OPHN1: variants seen among roughly 807,000 people sequenced by gnomAD.
OPHN1 encodes the protein oligophrenin 1.
Under a neutral mutation model 60.7 loss-of-function variants are expected in OPHN1, and 11 were observed. That is an observed-to-expected ratio of 0.18 (90% CI 0.11 to 0.30). OPHN1 has a LOEUF of 0.30. OPHN1 is among the 10% of genes least tolerant of loss of function. The pLI is 1.00. For missense variants in OPHN1, 449 were observed against 611.0 expected, an observed-to-expected ratio of 0.73 and a Z score of 2.80; for synonymous variants, 226 against 222.6, an observed-to-expected ratio of 1.02 and a Z score of -0.14.
intron 2 of OPHN1, among the ~76,000 whole-genome samples, chrX:68,365,504 T>C (rs4827578): frequency 0.17 from 18,923 of 110,841 alleles, 1,732 homozygotes; most frequent in African/African-American, 0.35. Flanking sequence ...TTTGTTCATT[T>C]TCCACAAACA....
intron 2 of OPHN1, among the ~76,000 whole-genome samples, chrX:68,352,952 G>A (rs1386565595): frequency 2.7e-5 from 3 of 110,293 alleles, no homozygotes; most frequent in Admixed American, 9.7e-5. Flanking sequence ...AGGAGTTCGA[G>A]ACCAGCCTGG....
intron 6 of OPHN1, among the ~76,000 whole-genome samples, chrX:68,234,103 A>AC (rs1474334552): frequency 9.2e-6 from 1 of 108,894 alleles, no homozygotes; most frequent in East Asian, 2.9e-4. Context: ...AAAAAAAAAA[A>AC]AAAAAAAAAG....
intron 2 of OPHN1, among the ~76,000 whole-genome samples, chrX:68,410,163 A>G (rs2078762438): frequency 3.6e-5 from 4 of 112,218 alleles, no homozygotes; most frequent in African/African-American, 1.3e-4. Flanking sequence ...TGATACAGCA[A>G]TTACACTACT....
intron 2 of OPHN1, among the ~76,000 whole-genome samples, chrX:68,354,338 G>A (rs1367106064): frequency 1.9e-5 from 2 of 104,832 alleles, no homozygotes; most frequent in Non-Finnish European, 3.9e-5. Context: ...CCAGCTACTC[G>A]GGAGACCGAG....
At chrX:68,392,462 G>T (rs998060124) in intron 2 of OPHN1, among the ~76,000 whole-genome samples, 1 of 110,055 alleles carries the variant, frequency 9.1e-6, no homozygotes, top group African/African-American at 3.3e-5. Context: ...GGAATTCAAG[G>T]CAGCAGTCAG....
At chrX:68,407,724 A>T (rs1422994758) in intron 2 of OPHN1, among the ~76,000 whole-genome samples, 2 of 112,166 alleles carry the variant, frequency 1.8e-5, no homozygotes, top group African/African-American at 6.5e-5. Flanking sequence ...CTCTACTATA[A>T]ATTAGGTATA....
At chrX:68,291,994 T>A (rs993911748) in intron 3 of OPHN1, among the ~76,000 whole-genome samples, 1 of 111,920 alleles carries the variant, frequency 8.9e-6, no homozygotes, top group Non-Finnish European at 1.9e-5. Flanking sequence ...GGGCTAAACG[T>A]TACCAATGTA....
intron 2 of OPHN1, among the ~76,000 whole-genome samples, chrX:68,424,023 C>T (rs936285397): frequency 9.1e-6 from 1 of 110,059 alleles, no homozygotes; most frequent in Non-Finnish European, 1.9e-5. Flanking sequence ...AAAAATTAGC[C>T]GGGCGTGGTG....
chrX:68,080,499 A>T (rs1313157776), intron 19 of OPHN1, among the ~76,000 whole-genome samples: 1 of 112,370 alleles, frequency 8.9e-6, no homozygotes, highest in Non-Finnish European at 1.9e-5. Flanking sequence ...TACCTTTCTT[A>T]GTCTCCCTTG....
intron 5 of OPHN1, among the ~76,000 whole-genome samples, chrX:68,263,570 T>C (rs1222298915): frequency 8.9e-6 from 1 of 111,973 alleles, no homozygotes; most frequent in East Asian, 2.8e-4. Flanking sequence ...GCATATTATT[T>C]GCCAGGTACT....
chrX:68,223,078 C>T (rs1301343890), intron 6 of OPHN1, among the ~76,000 whole-genome samples: 2 of 111,715 alleles, frequency 1.8e-5, no homozygotes, highest in African/African-American at 3.3e-5. Context: ...AATGCTTATT[C>T]ACTTTGGGTA....
chrX:68,151,756 C>T (rs1412166181), intron 15 of OPHN1, among the ~76,000 whole-genome samples: 1 of 111,938 alleles, frequency 8.9e-6, no homozygotes, highest in Non-Finnish European at 1.9e-5. Flanking sequence ...TTCCCAAGAC[C>T]TGAAATCCCT....
chrX:68,052,162 C>T (rs1264339012), intron 23 of OPHN1, among the ~76,000 whole-genome samples: 3 of 110,977 alleles, frequency 2.7e-5, no homozygotes, highest in Non-Finnish European at 5.7e-5. Context: ...TGATGGCGTG[C>T]ACCTGTAGTC....
chrX:68,198,686 T>C (rs2077522645), intron 11 of OPHN1, among the ~76,000 whole-genome samples: 1 of 111,677 alleles, frequency 9.0e-6, no homozygotes, highest in African/African-American at 3.3e-5. Context: ...CCTAGAGTCA[T>C]AGAATGATAA....
In OPHN1 at chrX:68,044,388, T is replaced by C. The variant is rs1229399686; in HGVS notation, c.*2784A>G. 1 of 112,788 alleles carries C rather than the reference T, an allele frequency of 8.9e-6. No individual in the cohort carries two copies. The highest frequency in any genetic ancestry group is 3.2e-5 in the African/African-American group (1 of 31,076). The allele number at this position is 112,788 out of a possible 1,213,427, so 9.3% of individuals were successfully genotyped here. On this transcript the variant is annotated 3_prime_UTR_variant, in exon 25 of 25. Transcript: ENST00000355520. ...CCCTGGGCCATAATTTCTTTCTCTGTAAAATGAGAATACTTGCATGAATAT... is the reference window on the plus strand; with the variant it reads ...CCCTGGGCCATAATTTCTTTCTCTGCAAAATGAGAATACTTGCATGAATAT...
rs908637656 is a variant in OPHN1, at chrX:68,119,319, T to C, written c.1290A>G (p.Pro430=). The C allele has an allele frequency of 3.4e-6, 4 of 1,192,792 alleles. No homozygotes were observed. The African/African-American group carries it at 5.2e-5, about 16-fold the overall frequency. Residue 430 remains proline (P), a synonymous_variant, in exon 16 of 25, where the codon CCA becomes CCG. Transcript: ENST00000355520. ...CACTATTATGAAAATCAACATCTCC[T>C]GGGCATTTAGGATCTATTTGAGAAA... ...LLNAFFDPKC[P]GDVDFHNSDW... is the part of the protein sequence containing the mutation.
intron 19 of OPHN1, among the ~76,000 whole-genome samples, chrX:68,090,072 T>C (rs1023028835): frequency 4.5e-5 from 5 of 112,093 alleles, no homozygotes; most frequent in Non-Finnish European, 9.4e-5. Flanking sequence ...GATTCACATG[T>C]AGAGACTAAT....
At chrX:68,294,314 T>C (rs1253676810) in intron 3 of OPHN1, among the ~76,000 whole-genome samples, 1 of 107,268 alleles carries the variant, frequency 9.3e-6, no homozygotes, top group East Asian at 2.9e-4. Context: ...CTACTAAAAC[T>C]ACAAAAAATA....
intron 2 of OPHN1, among the ~76,000 whole-genome samples, chrX:68,382,734 T>C (rs1421730188): frequency 1.8e-5 from 2 of 111,639 alleles, no homozygotes; most frequent in Admixed American, 9.6e-5. Flanking sequence ...CCACAAAACA[T>C]TGAATGAGAC....
Sources: gnomAD v4.1 joint callset for allele counts (sites outside exome capture counted in the v4.1 genomes callset) on GRCh38, gnomAD v4.1.1 for gene constraint, MANE v1.5 for transcripts, NCBI Gene and HGNC (gene_info 2026-07-23, HGNC 2026-07-21) for gene names.